The following PRKG1 variants were observed in gnomAD, a reference collection of about 807,000 sequenced individuals.
PRKG1 encodes the protein cGMP-dependent protein kinase 1.
In PRKG1, 35 loss-of-function variants were observed where a neutral mutation model predicts 88.1. That is an observed-to-expected ratio of 0.40 (90% CI 0.30 to 0.53). PRKG1 has a LOEUF of 0.53. Among genes scored for constraint, PRKG1 ranks in the 20% least tolerant of loss-of-function variants. The pLI, the probability that PRKG1 is intolerant of heterozygous loss-of-function variation, is 0.59. For missense variants in PRKG1, 540 were observed against 839.8 expected (o/e 0.64, Z 4.41); for synonymous variants, 303 against 292.5 (o/e 1.04, Z -0.37).
chr10:51,926,239 C>T (rs533178851), intron 5 of PRKG1, among the ~76,000 whole-genome samples: 104 of 152,026 alleles, frequency 6.8e-4, no homozygotes, highest in African/African-American at 2.4e-3. Context: ...TCGAGCTGAA[C>T]GCTAGGCCAG....
chr10:51,067,270 G>GTGTATA (rs1348193483), intron 1 of PRKG1, among the ~76,000 whole-genome samples: 1 of 146,616 alleles, frequency 6.8e-6, no homozygotes, highest in African/African-American at 2.5e-5. Context: ...ATGTATGTGT[G>GTGTATA]TATATATATA....
intron 7 of PRKG1, among the ~76,000 whole-genome samples, chr10:52,106,268 G>A (rs975773388): frequency 6.6e-6 from 1 of 152,120 alleles, no homozygotes; most frequent in Non-Finnish European, 1.5e-5. Context: ...AAAACTATTT[G>A]GCATGACTTG....
chr10:51,894,026 G>T (rs1299213598), intron 4 of PRKG1, among the ~76,000 whole-genome samples: 3 of 152,080 alleles, frequency 2.0e-5, no homozygotes, highest in Non-Finnish European at 4.4e-5. Flanking sequence ...AGTTGTCAGG[G>T]GCCAATTTCC....
At chr10:51,352,434 T>C (rs899027595) in intron 2 of PRKG1, among the ~76,000 whole-genome samples, 6 of 152,092 alleles carry the variant, frequency 3.9e-5, no homozygotes, top group Non-Finnish European at 8.8e-5. Flanking sequence ...TGAGCAGTGG[T>C]TCTATATGCC....
chr10:51,245,416 T>A (rs1055298112), intron 2 of PRKG1: 3 of 152,106 alleles, frequency 2.0e-5, no homozygotes, highest in African/African-American at 7.2e-5. Flanking sequence ...ATTTAAGTAA[T>A]CTAGGTCAGG....
chr10:51,676,812 T>G (rs915320783), intron 3 of PRKG1, among the ~76,000 whole-genome samples: 1 of 152,242 alleles, frequency 6.6e-6, no homozygotes, highest in Non-Finnish European at 1.5e-5. Context: ...CAGTTGTCTA[T>G]TCTTTTTTTG....
chr10:52,117,522 G>C (rs1309226119), intron 7 of PRKG1, among the ~76,000 whole-genome samples: 1 of 152,052 alleles, frequency 6.6e-6, no homozygotes, highest in Admixed American at 6.6e-5. Context: ...ATGAACAGCA[G>C]CTAATAACCA....
chr10:52,170,857 C>T (rs1838649590), intron 9 of PRKG1, among the ~76,000 whole-genome samples: 1 of 136,494 alleles, frequency 7.3e-6, no homozygotes, highest in Non-Finnish European at 1.6e-5. Flanking sequence ...CTGATTCTGC[C>T]TGTCACAGAG....
chr10:51,796,026 C>A (rs1445836049), intron 3 of PRKG1, among the ~76,000 whole-genome samples: 1 of 152,038 alleles, frequency 6.6e-6, no homozygotes, highest in Non-Finnish European at 1.5e-5. Context: ...AATTGAAAAC[C>A]AGTTCTCTCC....
chr10:51,401,787 T>C (rs894784993), intron 2 of PRKG1, among the ~76,000 whole-genome samples: 2 of 152,188 alleles, frequency 1.3e-5, no homozygotes, highest in African/African-American at 4.8e-5. Flanking sequence ...TTATCCATGA[T>C]GCTTAAAACA....
intron 4 of PRKG1, among the ~76,000 whole-genome samples, chr10:51,906,796 G>T (rs1250687670): frequency 1.3e-5 from 2 of 152,156 alleles, no homozygotes; most frequent in Non-Finnish European, 2.9e-5. Context: ...TTCCCCACAA[G>T]AGACAGCTCT....
intron 2 of PRKG1, among the ~76,000 whole-genome samples, chr10:51,433,064 A>C (rs1250305050): frequency 6.6e-6 from 1 of 152,186 alleles, no homozygotes; most frequent in African/African-American, 2.4e-5. Flanking sequence ...GAGCTAAGAG[A>C]ACATAGCACG....
chr10:51,556,287 A>T (rs1837309084), intron 3 of PRKG1, among the ~76,000 whole-genome samples: 1 of 152,080 alleles, frequency 6.6e-6, no homozygotes. Flanking sequence ...TGAAAGATGT[A>T]ATTTAAAACT....
At chr10:51,058,325 T>G (rs1001802322) in intron 1 of PRKG1, among the ~76,000 whole-genome samples, 1 of 152,138 alleles carries the variant, frequency 6.6e-6, no homozygotes, top group African/African-American at 2.4e-5. Context: ...TTATGCCTTT[T>G]TTATTTTTTC....
At chr10:51,621,544 C>T (rs1019449504) in intron 3 of PRKG1, among the ~76,000 whole-genome samples, 10 of 152,162 alleles carry the variant, frequency 6.6e-5, no homozygotes, top group Admixed American at 1.3e-4. Context: ...CTTGTTTTGG[C>T]TGCTCAGTGT....
In PRKG1 at chr10:51,004,480, C is replaced by CA. The variant is rs778975214; in HGVS notation, c.266+12841dup. Among the ~76,000 whole-genome samples, 42 of 151,820 alleles carry CA rather than the reference C, an allele frequency of 2.8e-4. 1 individual carries two copies. The highest frequency in any genetic ancestry group is 3.4e-3 in the Middle Eastern group (1 of 294). ...GTCTCAAAATCAGAACAAAACAAAA[C>CA]AAAAACAAAAAACAAAACAAAAAAC... On this transcript the variant is annotated intron_variant, in intron 1 of 17. Transcript: ENST00000401604.
intron 7 of PRKG1, among the ~76,000 whole-genome samples, chr10:52,127,255 A>G (rs1335863904): frequency 6.6e-6 from 1 of 152,192 alleles, no homozygotes; most frequent in Non-Finnish European, 1.5e-5. Flanking sequence ...GCCATTTACC[A>G]TGATAGGGAA....
At chr10:51,859,844 G>A (rs911940849) in intron 4 of PRKG1, among the ~76,000 whole-genome samples, 30 of 152,108 alleles carry the variant, frequency 2.0e-4, no homozygotes, top group African/African-American at 7.0e-4. Flanking sequence ...TTCATTGTGA[G>A]GTGTGGTAAT....
At chr10:51,908,494 C>G (rs1194417238) in intron 5 of PRKG1, 2 of 151,852 alleles carry the variant, frequency 1.3e-5, no homozygotes, top group African/African-American at 4.8e-5. Flanking sequence ...ATTAATTTAG[C>G]TTTTACTTAG....
Sources: gnomAD v4.1 joint callset for allele counts (sites outside exome capture counted in the v4.1 genomes callset) on GRCh38, gnomAD v4.1.1 for gene constraint, MANE v1.5 for transcripts, NCBI Gene and HGNC (gene_info 2026-07-23, HGNC 2026-07-21) for gene names.